The following PDXDC1 variants were observed in gnomAD, a reference collection of about 807,000 sequenced individuals.
The protein encoded by PDXDC1 is pyridoxal dependent decarboxylase domain containing 1.
In PDXDC1, 42 loss-of-function variants were observed where a neutral mutation model predicts 100.1. That is an observed-to-expected ratio of 0.42 (90% CI 0.33 to 0.54). The LOEUF is 0.54. PDXDC1 is among the 20% of genes least tolerant of loss of function. The probability of loss-of-function intolerance (pLI) is 0.10; values close to 1 mark genes in which losing one functional copy is unlikely to be tolerated. For synonymous variants in PDXDC1, 260 were observed against 371.7 expected (o/e 0.70, Z 3.46); for missense variants, 636 against 979.2 (o/e 0.65, Z 4.68).
At chr16:15,058,597 C>T (rs1371730799) in intron 16 of PDXDC1, among the ~76,000 whole-genome samples, 2 of 152,012 alleles carry the variant, frequency 1.3e-5, no homozygotes, top group Admixed American at 1.3e-4. Context: ...CATGGTGGTG[C>T]GTACCTGTAG....
In PDXDC1 at chr16:15,035,672, C is replaced by T. The variant is rs1567734874; in HGVS notation, c.2107+119C>T. On this transcript the variant is annotated intron_variant, in intron 22 of 22. Coordinates refer to ENST00000396410, the MANE Select transcript of PDXDC1 (RefSeq NM_015027.4). ...TATTTCTCTTAAGACCAACTACTAC[C>T]ATCTCTTTAACCATCTTGGTAGCCG... The T allele has an allele frequency of 1.3e-5, 8 of 613,072 alleles. No individual in the cohort carries two copies. In the East Asian group the frequency reaches 2.0e-4, roughly 15 times the overall value. The allele number at this position is 613,072 out of a possible 1,614,324, so 38.0% of individuals were successfully genotyped here.
intron 16 of PDXDC1, among the ~76,000 whole-genome samples, chr16:15,066,568 G>C (rs1020854571): frequency 1.3e-5 from 2 of 151,882 alleles, no homozygotes; most frequent in African/African-American, 4.8e-5. Context: ...CGGAGGTGGT[G>C]GTTGTAGTGA....
At chr16:15,001,224 C>T (rs1465887968) in intron 3 of PDXDC1, among the ~76,000 whole-genome samples, 3 of 152,262 alleles carry the variant, frequency 2.0e-5, no homozygotes, top group Non-Finnish European at 4.4e-5. Context: ...CGTGGTGGCT[C>T]ATGCCTGTAA....
chr16:15,150,378 T>A, the PDXDC1 span, among the ~76,000 whole-genome samples: 2 of 147,466 alleles, frequency 1.4e-5, no homozygotes, highest in East Asian at 4.1e-4. Flanking sequence ...AATAAATAAA[T>A]AAATAAATAA....
the PDXDC1 span, among the ~76,000 whole-genome samples, chr16:15,148,811 G>A: frequency 2.0e-5 from 3 of 152,198 alleles, no homozygotes; most frequent in East Asian, 1.9e-4. Flanking sequence ...GTGGGCGCTC[G>A]GGTGCCCCAC....
At chr16:14,986,756 T>C (rs1168017706) in intron 1 of PDXDC1, among the ~76,000 whole-genome samples, 1 of 152,280 alleles carries the variant, frequency 6.6e-6, no homozygotes, top group African/African-American at 2.4e-5. Flanking sequence ...GGTTTTGGGA[T>C]TTTTGTTTGA....
chr16:15,140,169 G>C (rs2048445225), downstream of PDXDC1, among the ~76,000 whole-genome samples: 2 of 150,770 alleles, frequency 1.3e-5, no homozygotes, highest in South Asian at 4.2e-4. Context: ...AAAGAGCCGG[G>C]TGCAATGGCT....
At chr16:15,100,348 T>C (rs867053016) in intron 16 of PDXDC1, among the ~76,000 whole-genome samples, 13 of 152,230 alleles carry the variant, frequency 8.5e-5, no homozygotes, top group African/African-American at 2.9e-4. Flanking sequence ...CAACTATATA[T>C]CTTTAGTTAT....
rs1966650318 is a variant in PDXDC1, at chr16:14,975,379, G to A, written c.21+159G>A. On this transcript the variant is annotated intron_variant, in intron 1 of 22. Transcript: ENST00000396410. ...AGGCCTCGCCGGGAGGGCGGCTGGGGCCCGGGCGCGTCACGGGGCCGGGTG... is the reference window on the plus strand; with the variant it reads ...AGGCCTCGCCGGGAGGGCGGCTGGGACCCGGGCGCGTCACGGGGCCGGGTG... 12 of 985,380 alleles carry A rather than the reference G, an allele frequency of 1.2e-5. No individual in the cohort carries two copies. In the South Asian group the frequency reaches 4.2e-4, roughly 35 times the overall value. The allele number at this position is 985,380 out of a possible 1,614,324, so 61.0% of individuals were successfully genotyped here.
intron 16 of PDXDC1, chr16:15,076,510 A>G (rs1313873620): frequency 1.6e-6 from 2 of 1,262,352 alleles, no homozygotes; most frequent in Non-Finnish European, 2.3e-6. Context: ...AGCTGTTTCC[A>G]CCCTTTATGA....
At chr16:15,073,440 G>GT (rs1006497973) in intron 16 of PDXDC1, among the ~76,000 whole-genome samples, 1 of 152,098 alleles carries the variant, frequency 6.6e-6, no homozygotes, top group African/African-American at 2.4e-5. Flanking sequence ...CTGGGTTAGA[G>GT]TAAGACCGTG....
At chr16:15,002,631 C>G (rs1336761502) in intron 4 of PDXDC1, among the ~76,000 whole-genome samples, 1 of 152,284 alleles carries the variant, frequency 6.6e-6, no homozygotes, top group African/African-American at 2.4e-5. Flanking sequence ...TGTGTCACTT[C>G]TCATAGAAGC....
intron 21 of PDXDC1, 26 bp from the exon 22 acceptor site, chr16:15,035,423 C>T: frequency 6.9e-7 from 1 of 1,445,002 alleles, no homozygotes; most frequent in Non-Finnish European, 9.5e-7. Flanking sequence ...CCTGTAGCTT[C>T]TACCCAGCCC....
At chr16:15,141,096 C>G (rs1212805178), downstream of PDXDC1, among the ~76,000 whole-genome samples, 1 of 149,762 alleles carries the variant, frequency 6.7e-6, no homozygotes, top group East Asian at 1.9e-4. Context: ...TCCCTGCCAC[C>G]CTCCATCCCT....
intron 19 of PDXDC1, 102 bp from the exon 20 acceptor site, chr16:15,034,184 T>C (rs1159350057): frequency 3.2e-6 from 3 of 947,028 alleles, no homozygotes; most frequent in Non-Finnish European, 4.9e-6. Context: ...CAGGATTTCA[T>C]TGACCTGCTT....
At position 15,052,939 on chromosome 16, in the gene PDXDC1, T is replaced by A. The variant is rs1597819385; in HGVS notation, c.1399+22883T>A. Reference sequence around the variant, plus strand: ...AGATGTTGCAGGACTGGTTACCGAGTACCCAGTGACTGGTTAAGAGTGACT... The same window carrying A: ...AGATGTTGCAGGACTGGTTACCGAGAACCCAGTGACTGGTTAAGAGTGACT... On this transcript the variant is annotated intron_variant, in intron 16 of 16. Transcript: ENST00000535621. Among the ~76,000 whole-genome samples, 3 of 152,272 alleles carry A rather than the reference T, an allele frequency of 2.0e-5. No individual in the cohort carries two copies. The East Asian group carries it at 5.8e-4, about 29-fold the overall frequency.
At chr16:15,084,832 G>C (rs1356566720) in intron 16 of PDXDC1, 7 of 685,034 alleles carry the variant, frequency 1.0e-5, no homozygotes, top group Admixed American at 9.5e-5. Flanking sequence ...TTGGGAGGCC[G>C]AGGTGGGTGG....
intron 16 of PDXDC1, chr16:15,127,976 T>G (rs200784183): frequency 5.0e-5 from 77 of 1,537,060 alleles, no homozygotes; most frequent in Middle Eastern, 2.3e-4. Context: ...AGTGGGAACA[T>G]GGAACGAGGC....
intron 8 of PDXDC1, among the ~76,000 whole-genome samples, chr16:15,014,296 T>C (rs9940231): frequency 7.8e-3 from 1,183 of 152,016 alleles, no homozygotes; most frequent in African/African-American, 0.027. Flanking sequence ...CCTTATTGTT[T>C]AAAAACACAA....
Sources: gnomAD v4.1 joint callset for allele counts (sites outside exome capture counted in the v4.1 genomes callset) on GRCh38, gnomAD v4.1.1 for gene constraint, MANE v1.5 for transcripts, NCBI Gene and HGNC (gene_info 2026-07-23, HGNC 2026-07-21) for gene names.